Variants in MINDY1 observed in about 807,000 individuals in gnomAD.
MINDY1 encodes MINDY lysine 48 deubiquitinase 1, also known as ubiquitin carboxyl-terminal hydrolase MINDY-1.
A neutral mutation model predicts 53.6 loss-of-function variants in MINDY1; 50 were observed. That is an observed-to-expected ratio of 0.93 (90% CI 0.74 to 1.18). MINDY1 has a LOEUF of 1.18. MINDY1 is among the 50% of genes most tolerant of loss of function. The pLI is 0.00. For synonymous variants in MINDY1, 231 were observed against 234.7 expected, an observed-to-expected ratio of 0.98 and a Z score of 0.14; for missense variants, 484 against 578.6, an observed-to-expected ratio of 0.84 and a Z score of 1.68.
At chr1:151,008,283 C>G, upstream of MINDY1, 1 of 1,240,872 alleles carries the variant, frequency 8.1e-7, no homozygotes, top group Non-Finnish European at 1.0e-6. Flanking sequence ...CCTCAGAAAA[C>G]AATCCTTCCC....
intron 1 of MINDY1, chr1:151,003,059 G>A: frequency 1.3e-6 from 1 of 796,766 alleles, no homozygotes; most frequent in Non-Finnish European, 1.6e-6. Flanking sequence ...AGAAAGAAAT[G>A]TTAAATCTAC....
At position 150,999,416 on chromosome 1, in the gene MINDY1, T is replaced by G. The variant is rs1253676949; in HGVS notation, c.934A>C (p.Ser312Arg). 3 of 1,614,154 alleles carry G rather than the reference T, an allele frequency of 1.9e-6. No individual in the cohort carries two copies. In the Admixed American group the frequency reaches 5.0e-5, roughly 27 times the overall value. Residue 312 changes from serine to arginine, a missense_variant, in exon 7 of 10, where the codon AGC (serine) becomes CGC (arginine). By Grantham distance (110) the Ser-to-Arg change is moderately radical (BLOSUM62 -1). Coordinates refer to ENST00000683666, the MANE Select transcript of MINDY1 (RefSeq NM_001376665.1). This position sits in a 1 kb window ranked among gnomAD's most constrained non-coding sequence, Gnocchi z 4.4. ...AAGTGGTTGTTTCGGAAAAAGACGC[T>G]AAGTTCACCCTCCTTAGCAGCTGCT... is the stretch of plus-strand genomic sequence containing the variant. ...LTAAAKEGEL[S>R]VFFRNNHFST...
Position 150,999,967 on chromosome 1 carries a change from G to C in MINDY1, c.736-3C>G. 1 of 1,612,088 alleles carries C rather than the reference G, an allele frequency of 6.2e-7. No homozygotes were observed. The highest frequency in any genetic ancestry group is 1.1e-5 in the South Asian group (1 of 90,776). On this transcript the variant is annotated splice_region_variant and splice_polypyrimidine_tract_variant and intron_variant, in intron 5 of 9. Coordinates refer to ENST00000683666, the MANE Select transcript of MINDY1 (RefSeq NM_001376665.1). The surrounding 1 kb of genome is among the most constrained non-coding windows in gnomAD (Gnocchi z 4.4). ...ACTGCACGCACAGCCTCAGGACTCT[G>C]CTTGGGTAGTGGGATGTGGGATACC...
chr1:151,006,868 T>A lies in MINDY1; in HGVS notation c.-646A>T. On this transcript the variant is annotated 5_prime_UTR_variant, in exon 1 of 10. Coordinates refer to ENST00000683666, the MANE Select transcript of MINDY1 (RefSeq NM_001376665.1). ...ACAGACCCTTTCTCTTCCCTCTGCC[T>A]GCCTCTAGAAGGGACGGAGCGCTTG... 1.0e-6 allele frequency: 1 copy of A among 985,438 alleles called. No individual in the cohort carries two copies. Among genetic ancestry groups the A allele is most frequent in the Non-Finnish European group, 1.2e-6 (1 of 829,986 alleles). The allele number at this position is 985,438 out of a possible 1,614,324, so 61.0% of individuals were successfully genotyped here. A position where few individuals can be genotyped will look rare whatever the true frequency, so the allele number is the denominator to read the frequency against.
At position 151,006,366 on chromosome 1, in the gene MINDY1, T is replaced by C. The variant is rs1673204453; in HGVS notation, c.-144A>G. 1.4e-6 allele frequency: 2 copies of C among 1,391,468 alleles called. No individual in the cohort carries two copies. Among genetic ancestry groups the C allele is most frequent in the Non-Finnish European group, 1.9e-6 (2 of 1,072,856 alleles). 86.2% of individuals were successfully genotyped at this position (1,391,468 alleles called of 1,614,324 possible). A position where few individuals can be genotyped will look rare whatever the true frequency, so the allele number is the denominator to read the frequency against. The stretch of plus-strand genomic sequence containing the variant: ...GAGAAGGAGGGTTCAGCCGTGGCAA[T>C]GAGATGGGGGAGATAGGTGCAATGA... On this transcript the variant is annotated 5_prime_UTR_variant, in exon 1 of 10. Transcript: ENST00000683666.
At chr1:151,005,742 G>A (rs1673121028) in intron 1 of MINDY1, among the ~76,000 whole-genome samples, 1 of 152,182 alleles carries the variant, frequency 6.6e-6, no homozygotes, top group Admixed American at 6.5e-5. Context: ...GTATTTCAGA[G>A]TAGGAAAGAA....
At chr1:150,998,962 C>T (rs113180105) in intron 7 of MINDY1, among the ~76,000 whole-genome samples, 4 of 152,178 alleles carry the variant, frequency 2.6e-5, no homozygotes, top group African/African-American at 4.8e-5. Context: ...TCCACTGCCC[C>T]CTCCTAGGGG....
At position 151,000,633 on chromosome 1, in the gene MINDY1, AATG is replaced by A; in HGVS notation, c.577-21_577-19del. 6.3e-7 allele frequency: 1 copy of A among 1,598,618 alleles called. No homozygotes were observed. Among genetic ancestry groups the A allele is most frequent in the East Asian group, 2.2e-5 (1 of 44,706 alleles). On this transcript the variant is annotated intron_variant, in intron 4 of 9. Transcript: ENST00000683666. ...TCCACATTCTGGGGGTAGAAAAAAA[AATG>A]ATGGAGATTCTAGCCTTCTCTCCCA...
In MINDY1 at chr1:151,001,296, A is replaced by G. The variant is rs751241066; in HGVS notation, c.530T>C (p.Ile177Thr). Residue 177 changes from isoleucine (I) to threonine (T), a missense_variant, in exon 4 of 10, where the codon ATC becomes ACC. Coordinates refer to ENST00000683666, the MANE Select transcript of MINDY1 (RefSeq NM_001376665.1). ...TCCCTCTGACTTCTCCTGGGGCTTGATGGACAGGAGGCAGTTTCCTACAAG... is the reference window on the plus strand; with the variant it reads ...TCCCTCTGACTTCTCCTGGGGCTTGGTGGACAGGAGGCAGTTTCCTACAAG... ...MAHLGNCLLSIKPQEKSEGLQ... is the reference protein window; with the variant it reads ...MAHLGNCLLSTKPQEKSEGLQ... The G allele has an allele frequency of 4.3e-6, 7 of 1,614,150 alleles. No individual in the cohort carries two copies. The East Asian group carries it at 1.1e-4, about 26-fold the overall frequency.
chr1:151,001,103 G>T, intron 4 of MINDY1, 147 bp downstream of exon 4: 1 of 831,198 alleles, frequency 1.2e-6, no homozygotes, highest in Non-Finnish European at 1.9e-6. Context: ...TATTTTCTAG[G>T]ACAAAGATAA....
intron 1 of MINDY1, among the ~76,000 whole-genome samples, chr1:151,004,124 TG>T (rs2102860931): frequency 6.6e-6 from 1 of 151,994 alleles, no homozygotes; most frequent in South Asian, 2.1e-4. Flanking sequence ...AGTTTCTCCA[TG>T]TTGGTCAGGC....
rs1420756545 is a variant in MINDY1 at position 150,999,912 on chromosome 1, T to C, written c.788A>G (p.Glu263Gly). ...GGAGTGTTTGCAGGTGATGATCCTCTCCACCAGCTGGTTGTAACTCAGTTT... is the reference window on the plus strand; with the variant it reads ...GGAGTGTTTGCAGGTGATGATCCTCCCCACCAGCTGGTTGTAACTCAGTTT... ...VGKLSYNQLV[E>G]RIITCKHSSD... The change falls in exon 6 of 10, where the codon GAG (glutamate) becomes GGG (glycine). Residue 263 changes from glutamate (E) to glycine (G), a missense_variant. Transcript: ENST00000683666. The surrounding 1 kb of genome is among the most constrained non-coding windows in gnomAD (Gnocchi z 4.4). 1 of 1,613,926 alleles carries C rather than the reference T, an allele frequency of 6.2e-7. No homozygotes were observed. Among genetic ancestry groups the C allele is most frequent in the African/African-American group, 1.3e-5 (1 of 74,882 alleles).
upstream of MINDY1, among the ~76,000 whole-genome samples, chr1:151,007,773 T>C (rs1329047415): frequency 6.6e-6 from 1 of 152,184 alleles, no homozygotes; most frequent in African/African-American, 2.4e-5. Flanking sequence ...GGTTGGAACC[T>C]AACTCCACAT....
Position 151,000,223 on chromosome 1 carries a change from T to C in MINDY1, c.735+234A>G, listed in dbSNP as rs146764426. 5.3e-4 allele frequency among the ~76,000 whole-genome samples: 80 copies of C among 152,296 alleles called. No homozygotes were observed. In the East Asian group the frequency reaches 0.014, roughly 26 times the overall value. The stretch of plus-strand genomic sequence containing the variant: ...TGTGCCACCAAACCCATCTGCTTCC[T>C]GAATTTTTGATGTCTAAAGAACTGA... On this transcript the variant is annotated intron_variant, in intron 5 of 9. Transcript: ENST00000683666.
Position 151,002,332 on chromosome 1 carries a change from T to C in MINDY1, c.286A>G (p.Met96Val), listed in dbSNP as rs752879665. ...PEVETIRACS[M>V]PQELPQSPRT... ...GGGGACTGAGGAAGCTCCTGGGGCA[T>C]GGAGCATGCCCTTATTGTCTCTACT... The change falls in exon 2 of 10, where the codon ATG becomes GTG. Residue 96 changes from methionine (M) to valine (V), a missense_variant. Met to Val is a conservative substitution (Grantham distance 21). Transcript: ENST00000683666. This position sits in a 1 kb window ranked among gnomAD's most constrained non-coding sequence, Gnocchi z 4.1. The C allele has an allele frequency of 1.2e-6, 2 of 1,614,200 alleles. No homozygotes were observed. Among genetic ancestry groups the C allele is most frequent in the Non-Finnish European group, 1.7e-6 (2 of 1,180,034 alleles).
intron 1 of MINDY1, among the ~76,000 whole-genome samples, chr1:151,003,986 G>C (rs1218362615): frequency 2.0e-5 from 3 of 151,482 alleles, no homozygotes; most frequent in Non-Finnish European, 4.4e-5. Flanking sequence ...GCAATGGTGC[G>C]ACCTCGGCTC....
In MINDY1 at chr1:150,998,217, T is replaced by A. The variant is rs1268390067; in HGVS notation, c.1038A>T (p.Val346=). ...CATCCACATTGTGCAGGCTCTCCCA[T>A]ACGACTTGCTCCTCCTGTAGAAAGC... is the stretch of plus-strand genomic sequence containing the variant. ...DQGFLQEEQV[V]WESLHNVDGD... Residue 346 remains valine, a synonymous_variant, in exon 8 of 10, where the codon GTA becomes GTT. Coordinates refer to ENST00000683666, the MANE Select transcript of MINDY1 (RefSeq NM_001376665.1). 6.2e-7 allele frequency: 1 copy of A among 1,614,178 alleles called. No homozygotes were observed. Among genetic ancestry groups the A allele is most frequent in the East Asian group, 2.2e-5 (1 of 44,888 alleles).
rs1015017543 is a variant in MINDY1 at position 150,997,384 on chromosome 1, A to G, written c.1330-17T>C. ...TCCTCTCCCCTGTATCGGATTTAAC[A>G]ATTGGTCACTGAACTTCCTTGGAAG... On this transcript the variant is annotated splice_polypyrimidine_tract_variant and intron_variant, in intron 9 of 9. Coordinates refer to ENST00000683666, the MANE Select transcript of MINDY1 (RefSeq NM_001376665.1). The G allele has an allele frequency of 6.3e-7, 1 of 1,590,506 alleles. No individual in the cohort carries two copies. Among genetic ancestry groups the G allele is most frequent in the Non-Finnish European group, 8.6e-7 (1 of 1,166,734 alleles).
At chr1:151,001,588 G>A in intron 3 of MINDY1, 137 bp downstream of exon 3, 1 of 1,107,194 alleles carries the variant, frequency 9.0e-7, no homozygotes, top group Non-Finnish European at 1.3e-6. Flanking sequence ...CAGCCTTGCA[G>A]AGAAGCCCCA....
Sources: gnomAD v4.1 joint callset for allele counts (sites outside exome capture counted in the v4.1 genomes callset) on GRCh38, gnomAD v4.1.1 for gene constraint, Gnocchi (gnomAD v3.1) non-coding constraint, MANE v1.5 for transcripts, NCBI Gene and HGNC (gene_info 2026-07-23, HGNC 2026-07-21) for gene names.